STYX: variants seen among roughly 807,000 people sequenced by gnomAD.
The protein encoded by STYX is serine/threonine/tyrosine-interacting protein.
STYX carries 20 observed loss-of-function variants against 42.7 expected under a neutral mutation model. That is an observed-to-expected ratio of 0.47 (90% CI 0.33 to 0.68). The LOEUF (loss-of-function observed/expected upper bound fraction) is 0.68. Among genes scored for constraint, STYX ranks in the 30% least tolerant of loss-of-function variants. The pLI is 0.02. For missense variants in STYX, 226 were observed against 268.5 expected (o/e 0.84, Z 1.11); for synonymous variants, 78 against 81.9 (o/e 0.95, Z 0.26).
At chr14:52,746,584 ACT>A (rs1881405667) in intron 3 of STYX, 105 bp downstream of exon 3, 2 of 925,918 alleles carry the variant, frequency 2.2e-6, no homozygotes, top group Non-Finnish European at 1.6e-6. Flanking sequence ...ATCCACAAAT[ACT>A]GTCTGTTAAC....
intron 1 of STYX, among the ~76,000 whole-genome samples, chr14:52,739,632 CTTTTTTTT>C (rs58454717): frequency 9.1e-5 from 6 of 65,730 alleles, no homozygotes; most frequent in Admixed American, 2.3e-4. Context: ...TCCTTTCTTT[CTTTTTTTT>C]TTTTTTTTTT....
intron 8 of STYX, among the ~76,000 whole-genome samples, chr14:52,758,648 T>C (rs1314272257): frequency 6.6e-6 from 1 of 152,200 alleles, no homozygotes; most frequent in Non-Finnish European, 1.5e-5. Flanking sequence ...CGATCTCAGC[T>C]CACTGCAACC....
intron 1 of STYX, among the ~76,000 whole-genome samples, chr14:52,731,203 G>T (rs1276767052): frequency 6.6e-6 from 1 of 151,862 alleles, no homozygotes; most frequent in Non-Finnish European, 1.5e-5. Context: ...TTCATCTGTT[G>T]CTAGTTTAAC....
At chr14:52,749,618 TAAA>T (rs1189138130) in intron 3 of STYX, among the ~76,000 whole-genome samples, 1 of 152,142 alleles carries the variant, frequency 6.6e-6, no homozygotes, top group Admixed American at 6.6e-5. Flanking sequence ...AGTGAACAAA[TAAA>T]AATCTTTTCT....
intron 3 of STYX, 47 bp from the exon 4 acceptor site, chr14:52,750,636 A>T: frequency 8.3e-7 from 1 of 1,210,286 alleles, no homozygotes; most frequent in Non-Finnish European, 1.2e-6. Flanking sequence ...TTGATATTTT[A>T]AAATATTTAT....
chr14:52,764,296 T>G (rs570643285), intron 9 of STYX, among the ~76,000 whole-genome samples: 10 of 152,280 alleles, frequency 6.6e-5, no homozygotes, highest in African/African-American at 2.4e-4. Flanking sequence ...TGGACAAATT[T>G]CGGTTATTTT....
chr14:52,767,218 T>A (rs1882337580), intron 9 of STYX, among the ~76,000 whole-genome samples: 1 of 152,154 alleles, frequency 6.6e-6, no homozygotes, highest in Admixed American at 6.5e-5. Flanking sequence ...TGGTTTGAGG[T>A]GGGAGCATAG....
intron 4 of STYX, 55 bp downstream of exon 4, chr14:52,750,835 T>C: frequency 8.1e-7 from 1 of 1,231,756 alleles, no homozygotes. Flanking sequence ...ATTTCAGGTT[T>C]TGTACCATCA....
At chr14:52,750,562 G>A (rs1483383659) in intron 3 of STYX, 121 bp from the exon 4 acceptor site, 3 of 640,798 alleles carry the variant, frequency 4.7e-6, no homozygotes, top group Non-Finnish European at 7.8e-6. Context: ...TAATTCCCTG[G>A]ACTTAAGCAG....
At chr14:52,732,091 GTTTTTT>G (rs560828155) in intron 1 of STYX, among the ~76,000 whole-genome samples, 18 of 86,000 alleles carry the variant, frequency 2.1e-4, no homozygotes, top group Non-Finnish European at 4.1e-4. Flanking sequence ...TATACTCATG[GTTTTTT>G]TTTTTTTTTT....
At chr14:52,734,096 C>A (rs560658332) in intron 1 of STYX, among the ~76,000 whole-genome samples, 1 of 152,316 alleles carries the variant, frequency 6.6e-6, no homozygotes, top group African/African-American at 2.4e-5. Flanking sequence ...AGTGAAGTTA[C>A]AAAGTTGCAA....
intron 1 of STYX, among the ~76,000 whole-genome samples, chr14:52,733,513 C>T (rs1164218495): frequency 6.6e-6 from 1 of 152,174 alleles, no homozygotes; most frequent in African/African-American, 2.4e-5. Flanking sequence ...AGATGGTAAT[C>T]ACAAGTAGTA....
At chr14:52,732,065 G>A (rs78410621) in intron 1 of STYX, among the ~76,000 whole-genome samples, 2,984 of 146,904 alleles carry the variant, frequency 0.02, 61 homozygotes, top group Non-Finnish European at 0.027. Flanking sequence ...GTGAGCCACT[G>A]CACCTGGCCC....
chr14:52,762,264 CTATT>C (rs1882126944), intron 9 of STYX, among the ~76,000 whole-genome samples: 1 of 152,118 alleles, frequency 6.6e-6, no homozygotes, highest in South Asian at 2.1e-4. Context: ...TTATGGAAAT[CTATT>C]TATAGCCTAC....
chr14:52,754,845 A>T (rs189137262), intron 4 of STYX, among the ~76,000 whole-genome samples: 1 of 152,352 alleles, frequency 6.6e-6, no homozygotes, highest in Admixed American at 6.5e-5. Context: ...CAGGTTCTTT[A>T]TCCTAATGGA....
chr14:52,736,414 GGAA>G (rs1362238113), intron 1 of STYX, among the ~76,000 whole-genome samples: 1 of 152,194 alleles, frequency 6.6e-6, no homozygotes, highest in Non-Finnish European at 1.5e-5. Flanking sequence ...TTAGATATTA[GGAA>G]GAAGGAGTAG....
At chr14:52,741,184 A>G (rs1173750252) in intron 1 of STYX, among the ~76,000 whole-genome samples, 1 of 150,794 alleles carries the variant, frequency 6.6e-6, no homozygotes, top group Admixed American at 6.6e-5. Flanking sequence ...ATATTCATGT[A>G]TAAGTCTTTG....
intron 8 of STYX, among the ~76,000 whole-genome samples, chr14:52,758,714 T>A (rs1488007707): frequency 6.6e-6 from 1 of 152,154 alleles, no homozygotes. Flanking sequence ...TAGCTGAGAC[T>A]ACAGGTGCAC....
chr14:52,771,306 C>G lies in STYX; in HGVS notation c.*200C>G. ...AATAGATGACACTGATGGTTTTACT[C>G]CTTTTTTTAAAAACACATGCGCGCG... On this transcript the variant is annotated 3_prime_UTR_variant, in exon 11 of 11. Coordinates refer to ENST00000354586, the MANE Select transcript of STYX (RefSeq NM_145251.4). 1 of 486,036 alleles carries G rather than the reference C, an allele frequency of 2.1e-6. No individual in the cohort carries two copies. Among genetic ancestry groups the G allele is most frequent in the Non-Finnish European group, 3.6e-6 (1 of 275,866 alleles). 30.1% of individuals were successfully genotyped at this position (486,036 alleles called of 1,614,324 possible).
Sources: gnomAD v4.1 joint callset for allele counts (sites outside exome capture counted in the v4.1 genomes callset) on GRCh38, gnomAD v4.1.1 for gene constraint, MANE v1.5 for transcripts, NCBI Gene and HGNC (gene_info 2026-07-23, HGNC 2026-07-21) for gene names.